The following VRK2 variants were observed in gnomAD, a reference collection of about 807,000 sequenced individuals.
The protein encoded by VRK2 is serine/threonine-protein kinase VRK2.
VRK2 carries 60 observed loss-of-function variants against 57.6 expected under a neutral mutation model. The observed-to-expected ratio is 1.04, with a 90% CI of 0.85 to 1.29. The LOEUF (loss-of-function observed/expected upper bound fraction) is 1.29, where lower values mean the gene tolerates loss of function less well. Ranked by LOEUF, VRK2 falls within the 50% of genes most tolerant of loss-of-function variation. VRK2 has a pLI of 0.00. For synonymous variants in VRK2, 231 were observed against 199.2 expected (o/e 1.16, Z -1.35); for missense variants, 705 against 588.1 (o/e 1.20, Z -2.06).
At chr2:57,948,027 A>G (rs1007539804) in intron 1 of VRK2, among the ~76,000 whole-genome samples, 2 of 152,182 alleles carry the variant, frequency 1.3e-5, no homozygotes, top group Non-Finnish European at 2.9e-5. Flanking sequence ...TCATAATTCT[A>G]GTGTCCAAAG....
At chr2:58,046,303 C>T (rs574239079), upstream of VRK2, among the ~76,000 whole-genome samples, 47 of 152,316 alleles carry the variant, frequency 3.1e-4, no homozygotes, top group African/African-American at 1.1e-3. Context: ...AATTATCCTA[C>T]GATTAATGGC....
intron 2 of VRK2, among the ~76,000 whole-genome samples, chr2:58,068,962 T>C (rs1345143679): frequency 6.6e-6 from 1 of 152,200 alleles, no homozygotes; most frequent in Non-Finnish European, 1.5e-5. Context: ...GAAACATTTT[T>C]ATAATGGTTG....
chr2:57,921,286 G>GCACACA (rs34924125), intron 1 of VRK2, among the ~76,000 whole-genome samples: 160 of 148,144 alleles, frequency 1.1e-3, no homozygotes, highest in African/African-American at 3.7e-3. Flanking sequence ...TCTTAAGCGC[G>GCACACA]CACACACACA....
At chr2:58,100,508 A>AT (rs1358149312) in intron 7 of VRK2, among the ~76,000 whole-genome samples, 1 of 151,854 alleles carries the variant, frequency 6.6e-6, no homozygotes, top group African/African-American at 2.4e-5. Flanking sequence ...ATTAACATGC[A>AT]TGTTATTCTT....
intron 7 of VRK2, among the ~76,000 whole-genome samples, chr2:58,112,692 G>A (rs1443488805): frequency 6.6e-6 from 1 of 152,162 alleles, no homozygotes; most frequent in African/African-American, 2.4e-5. Context: ...ATATGGAAGA[G>A]GGAAGTGGGG....
intron 7 of VRK2, among the ~76,000 whole-genome samples, chr2:58,099,210 G>T (rs1460870888): frequency 2.6e-5 from 4 of 152,102 alleles, no homozygotes; most frequent in Admixed American, 6.6e-5. Flanking sequence ...TTTTATTTCA[G>T]TGGTGCAGAT....
At chr2:58,104,137 C>G (rs1674410666) in intron 7 of VRK2, among the ~76,000 whole-genome samples, 1 of 151,678 alleles carries the variant, frequency 6.6e-6, no homozygotes, top group African/African-American at 2.4e-5. Flanking sequence ...AAGCAATCTC[C>G]CTACAAACTG....
chr2:57,960,722 A>G (rs1432465862), intron 1 of VRK2, among the ~76,000 whole-genome samples: 1 of 152,226 alleles, frequency 6.6e-6, no homozygotes, highest in Non-Finnish European at 1.5e-5. Context: ...AGCAAAGTAG[A>G]TTAAAGCGGA....
intron 1 of VRK2, among the ~76,000 whole-genome samples, chr2:57,973,674 A>G (rs1672162615): frequency 6.6e-6 from 1 of 151,878 alleles, no homozygotes. Context: ...TGTGGAAGAT[A>G]TGATGAAACT....
intron 7 of VRK2, among the ~76,000 whole-genome samples, chr2:58,097,454 T>C (rs1248888916): frequency 2.0e-5 from 3 of 152,168 alleles, no homozygotes. Flanking sequence ...TAATTTTTAT[T>C]GTAGTACTTG....
chr2:58,128,371 G>A (rs1403966437), intron 8 of VRK2, among the ~76,000 whole-genome samples: 3 of 152,044 alleles, frequency 2.0e-5, no homozygotes, highest in Non-Finnish European at 4.4e-5. Flanking sequence ...TCGCTCTGTT[G>A]TCCAGGCTGG....
intron 10 of VRK2, among the ~76,000 whole-genome samples, chr2:58,139,089 A>C (rs1039031899): frequency 5.3e-5 from 8 of 152,120 alleles, no homozygotes; most frequent in African/African-American, 1.7e-4. Flanking sequence ...CAAAAACACG[A>C]GGCTGTGTAC....
chr2:57,910,632 G>T (rs879350627), intron 1 of VRK2, among the ~76,000 whole-genome samples: 4 of 152,040 alleles, frequency 2.6e-5, no homozygotes, highest in Non-Finnish European at 5.9e-5. Context: ...CAACCTTATA[G>T]GACTGAGGGA....
chr2:58,097,779 C>T (rs1019206682), intron 7 of VRK2, among the ~76,000 whole-genome samples: 9 of 151,804 alleles, frequency 5.9e-5, no homozygotes, highest in African/African-American at 9.7e-5. Context: ...AAGTATAGCA[C>T]GTAACAATTA....
chr2:58,074,636 G>A (rs1669830800), intron 2 of VRK2, among the ~76,000 whole-genome samples: 1 of 151,796 alleles, frequency 6.6e-6, no homozygotes, highest in Non-Finnish European at 1.5e-5. Flanking sequence ...TCAACACATG[G>A]TTATTTTGAA....
At chr2:58,107,297 C>A (rs867205152) in intron 7 of VRK2, among the ~76,000 whole-genome samples, 1 of 151,800 alleles carries the variant, frequency 6.6e-6, no homozygotes, top group Non-Finnish European at 1.5e-5. Flanking sequence ...TGATTGAAGA[C>A]CTTTTATTTT....
At chr2:58,076,669 A>G (rs1350875747) in intron 2 of VRK2, among the ~76,000 whole-genome samples, 5 of 151,628 alleles carry the variant, frequency 3.3e-5, no homozygotes, top group Admixed American at 3.3e-4. Flanking sequence ...CATTTTTTCT[A>G]AGTTTTTAAG....
chr2:58,033,602 T>C (rs1226424518), intron 3 of VRK2: 3 of 152,112 alleles, frequency 2.0e-5, no homozygotes, highest in Admixed American at 1.3e-4. Context: ...TGTGGTAATT[T>C]GTTAATCAAC....
chr2:58,145,555 G>A (rs1244048378), intron 11 of VRK2, among the ~76,000 whole-genome samples: 2 of 151,994 alleles, frequency 1.3e-5, no homozygotes, highest in Non-Finnish European at 2.9e-5. Context: ...CTCTAAAAAT[G>A]CTGTTTTCAG....
Sources: gnomAD v4.1 joint callset for allele counts (sites outside exome capture counted in the v4.1 genomes callset) on GRCh38, gnomAD v4.1.1 for gene constraint, MANE v1.5 for transcripts, NCBI Gene and HGNC (gene_info 2026-07-23, HGNC 2026-07-21) for gene names.